CYP46A1: variants seen among roughly 807,000 people sequenced by gnomAD.
CYP46A1 encodes the protein cholesterol 24-hydroxylase.
CYP46A1 carries 20 observed loss-of-function variants against 63.3 expected under a neutral mutation model. The observed-to-expected ratio is 0.32, with a 90% confidence interval of 0.22 to 0.46. The LOEUF (loss-of-function observed/expected upper bound fraction) is 0.46, where lower values mean the gene tolerates loss of function less well. Ranked by LOEUF, CYP46A1 falls within the 20% of genes least tolerant of loss-of-function variation. The probability of loss-of-function intolerance (pLI) is 1.00; values close to 1 mark genes in which losing one functional copy is unlikely to be tolerated. For synonymous variants in CYP46A1, 268 were observed against 273.6 expected, an observed-to-expected ratio of 0.98 and a Z score of 0.20; for missense variants, 445 against 670.8, an observed-to-expected ratio of 0.66 and a Z score of 3.72.
chr14:99,706,371 G>T, intron 5 of CYP46A1: 1 of 388,080 alleles, frequency 2.6e-6, no homozygotes, highest in Non-Finnish European at 4.8e-6. Context: ...CAGGGCTGAA[G>T]GGCCACAGTG....
At position 99,721,942 on chromosome 14, in the gene CYP46A1, T is replaced by G. The variant is rs2056851317; in HGVS notation, c.1066-14T>G. 6.2e-7 allele frequency: 1 copy of G among 1,605,164 alleles called. No homozygotes were observed. The highest frequency in any genetic ancestry group is 1.3e-5 in the African/African-American group (1 of 74,734). ...CCCGACTCTCCTTGTTATCTCCCCTTGTGGCTTCTCTAGGTCCTCAAAGAG... is the reference window on the plus strand; with the variant it reads ...CCCGACTCTCCTTGTTATCTCCCCTGGTGGCTTCTCTAGGTCCTCAAAGAG... On this transcript the variant is annotated splice_polypyrimidine_tract_variant and intron_variant, in intron 11 of 14. Transcript: ENST00000261835.
intron 7 of CYP46A1, chr14:99,708,819 C>T (rs1394356936): frequency 6.6e-6 from 1 of 152,314 alleles, no homozygotes; most frequent in Non-Finnish European, 1.5e-5. Context: ...TGAGCACAGG[C>T]CCATCCTACC....
At position 99,725,937 on chromosome 14, in the gene CYP46A1, C is replaced by A. The variant is rs542646446; in HGVS notation, c.1266-253C>A. 4.9e-4 allele frequency among the ~76,000 whole-genome samples: 75 copies of A among 152,138 alleles called. No homozygotes were observed. The highest frequency in any genetic ancestry group is 9.7e-4 in the Non-Finnish European group (66 of 68,026). ...ATGACCTGGAGTGAGTTGTTTTGCC[C>A]CTCTGAGCCTCAGTTTCTCCATCTG... is the stretch of plus-strand genomic sequence containing the variant. On this transcript the variant is annotated intron_variant, in intron 13 of 14. Coordinates refer to ENST00000261835, the MANE Select transcript of CYP46A1 (RefSeq NM_006668.2). This position sits in a 1 kb window ranked among gnomAD's most constrained non-coding sequence, Gnocchi z 4.2.
chr14:99,703,797 C>T, intron 5 of CYP46A1: 1 of 981,810 alleles, frequency 1.0e-6, no homozygotes. Flanking sequence ...CCCACAAGCC[C>T]TCCAGGAATG....
Position 99,721,786 on chromosome 14 carries a change from T to G in CYP46A1, c.1066-170T>G, listed in dbSNP as rs545366692. The stretch of plus-strand genomic sequence containing the variant: ...CCTTCTGGACCTCAGTTTCTCCATC[T>G]GTCACGTGACGGTGAGGCTGATGTC... On this transcript the variant is annotated intron_variant, in intron 11 of 14. Transcript: ENST00000261835. Among the ~76,000 whole-genome samples, 16 of 152,152 alleles carry G rather than the reference T, an allele frequency of 1.1e-4. No homozygotes were observed. In the South Asian group the frequency reaches 3.1e-3, roughly 30 times the overall value.
intron 1 of CYP46A1, among the ~76,000 whole-genome samples, chr14:99,687,150 C>T (rs2056501409): frequency 6.6e-6 from 1 of 152,132 alleles, no homozygotes; most frequent in Non-Finnish European, 1.5e-5. Context: ...CTTTTCTTAC[C>T]ACATCCTACT....
chr14:99,716,290 T>G (rs2056789851), intron 9 of CYP46A1, 91 bp downstream of exon 9: 4 of 1,421,456 alleles, frequency 2.8e-6, no homozygotes, highest in Non-Finnish European at 3.0e-6. Flanking sequence ...TGGGATTTTT[T>G]GGGCTATCTG....
At chr14:99,717,190 G>A (rs1392682277) in intron 9 of CYP46A1, among the ~76,000 whole-genome samples, 2 of 152,170 alleles carry the variant, frequency 1.3e-5, no homozygotes, top group Admixed American at 6.5e-5. Context: ...CTCCTCATCT[G>A]TAAAATGGGG....
chr14:99,726,129 A>T (rs1040172525), intron 13 of CYP46A1, 61 bp from the exon 14 acceptor site: 7 of 1,451,646 alleles, frequency 4.8e-6, no homozygotes, highest in East Asian at 2.3e-5. Flanking sequence ...TGTCTTCCTT[A>T]TGTTGTTCCT....
At position 99,726,815 on chromosome 14, in the gene CYP46A1, C is replaced by T; in HGVS notation, c.*88C>T. ...CACGGCCACCCACCCTTCTCCCCTG[C>T]CCCGTCCCCTGGGCCACCCTTCACG... is the stretch of plus-strand genomic sequence containing the variant. On this transcript the variant is annotated 3_prime_UTR_variant, in exon 15 of 15. Coordinates refer to ENST00000261835, the MANE Select transcript of CYP46A1 (RefSeq NM_006668.2). The T allele has an allele frequency of 8.7e-7, 1 of 1,155,738 alleles. No individual in the cohort carries two copies. Among genetic ancestry groups the T allele is most frequent in the Non-Finnish European group, 1.2e-6 (1 of 858,334 alleles). 71.6% of individuals were successfully genotyped at this position (1,155,738 alleles called of 1,614,324 possible). A position where few individuals can be genotyped will look rare whatever the true frequency, so the allele number is the denominator to read the frequency against.
intron 3 of CYP46A1, among the ~76,000 whole-genome samples, chr14:99,696,541 A>C (rs933118195): frequency 4.6e-5 from 7 of 152,186 alleles, no homozygotes; most frequent in African/African-American, 1.4e-4. Context: ...TCTACTGTTA[A>C]GATTTTTCTC....
At chr14:99,717,991 C>A in intron 9 of CYP46A1, 63 bp from the exon 10 acceptor site, 2 of 1,346,212 alleles carry the variant, frequency 1.5e-6, no homozygotes, top group Non-Finnish European at 1.1e-6. Flanking sequence ...TAGAGGCAGG[C>A]ACAAACTGTC....
intron 7 of CYP46A1, among the ~76,000 whole-genome samples, chr14:99,715,592 C>G (rs1251106862): frequency 1.3e-5 from 2 of 152,222 alleles, no homozygotes; most frequent in East Asian, 1.9e-4. Flanking sequence ...CCGCCCACCA[C>G]TGCTAAGGAT....
chr14:99,698,790 C>T (rs905892908), intron 3 of CYP46A1, among the ~76,000 whole-genome samples: 9 of 152,322 alleles, frequency 5.9e-5, no homozygotes, highest in African/African-American at 2.2e-4. Context: ...AACCACTGGG[C>T]AATCCTGCCT....
chr14:99,695,606 TA>T (rs1249556464), intron 3 of CYP46A1: 1 of 85,318 alleles, frequency 1.2e-5, no homozygotes. Flanking sequence ...ATTCCAGCTT[TA>T]TTATTATTAT....
At chr14:99,716,106 G>C in intron 8 of CYP46A1, 31 bp from the exon 9 acceptor site, 1 of 1,614,040 alleles carries the variant, frequency 6.2e-7, no homozygotes, top group Admixed American at 1.7e-5. Context: ...GCAAAGATTT[G>C]CTGGGAACTG....
At chr14:99,691,006 A>C in intron 1 of CYP46A1, 75 bp from the exon 2 acceptor site, 2 of 1,398,040 alleles carry the variant, frequency 1.4e-6, no homozygotes, top group Non-Finnish European at 1.0e-6. Flanking sequence ...TGGGCCTAGT[A>C]ATAAGATCTT....
intron 10 of CYP46A1, among the ~76,000 whole-genome samples, chr14:99,719,591 ACCACCATT>A (rs1201454693): frequency 6.6e-6 from 1 of 151,758 alleles, no homozygotes; most frequent in East Asian, 1.9e-4. Context: ...ATCCCTGGTA[ACCACCATT>A]CCACTTCTGT....
Position 99,705,381 on chromosome 14 carries a change from T to C in CYP46A1, c.444-1266T>C, listed in dbSNP as rs570586680. Among the ~76,000 whole-genome samples, 7 of 147,724 alleles carry C rather than the reference T, an allele frequency of 4.7e-5. No individual in the cohort carries two copies. In the East Asian group the frequency reaches 1.2e-3, roughly 25 times the overall value. ...TGCCACCATGCCCAGCTAGTTTTTA[T>C]TTTTATTTTTTGCAGAGACGGAGTC... On this transcript the variant is annotated intron_variant, in intron 5 of 14. Coordinates refer to ENST00000261835, the MANE Select transcript of CYP46A1 (RefSeq NM_006668.2).
Sources: gnomAD v4.1 joint callset for allele counts (sites outside exome capture counted in the v4.1 genomes callset) on GRCh38, gnomAD v4.1.1 for gene constraint, Gnocchi (gnomAD v3.1) non-coding constraint, MANE v1.5 for transcripts, NCBI Gene and HGNC (gene_info 2026-07-23, HGNC 2026-07-21) for gene names.